The following CTNNA2 variants were observed in gnomAD, a reference collection of about 807,000 sequenced individuals.
CTNNA2 encodes the protein catenin alpha-2.
A neutral mutation model predicts 101.0 loss-of-function variants in CTNNA2; 42 were observed. The observed-to-expected ratio is 0.42, with a 90% CI of 0.32 to 0.54. CTNNA2 has a LOEUF of 0.54. Among genes scored for constraint, CTNNA2 ranks in the 20% least tolerant of loss-of-function variants. CTNNA2 has a pLI of 0.14. For synonymous variants in CTNNA2, 450 were observed against 456.4 expected (o/e 0.99, Z 0.18); for missense variants, 871 against 1,223.1 (o/e 0.71, Z 4.29).
At chr2:80,079,405 C>T (rs759641581) in intron 7 of CTNNA2, among the ~76,000 whole-genome samples, 1 of 152,144 alleles carries the variant, frequency 6.6e-6, no homozygotes, top group Non-Finnish European at 1.5e-5. Flanking sequence ...GAAAAGATTT[C>T]ATAAATACCA....
intron 1 of CTNNA2, among the ~76,000 whole-genome samples, chr2:79,197,458 C>T (rs1299573623): frequency 6.6e-6 from 1 of 152,152 alleles, no homozygotes; most frequent in Admixed American, 6.5e-5. Context: ...CTTCTCTGGG[C>T]CAATTGCTAC....
chr2:80,013,384 G>A (rs931474622), intron 7 of CTNNA2, among the ~76,000 whole-genome samples: 2 of 152,156 alleles, frequency 1.3e-5, no homozygotes, highest in African/African-American at 4.8e-5. Context: ...GGAGAAAAGA[G>A]GAGTTATACT....
intron 7 of CTNNA2, among the ~76,000 whole-genome samples, chr2:80,315,426 A>G (rs11126755): frequency 0.37 from 55,490 of 151,970 alleles, 12,219 homozygotes; most frequent in African/African-American, 0.61. Context: ...GAAAATTAGC[A>G]GAAGACTGGA....
intron 7 of CTNNA2, among the ~76,000 whole-genome samples, chr2:80,172,771 C>G (rs913894457): frequency 1.3e-5 from 2 of 152,152 alleles, no homozygotes; most frequent in South Asian, 2.1e-4. Flanking sequence ...GCAGTCTTTA[C>G]GTCCCTTGGC....
chr2:80,609,068 A>G (rs1698251463), intron 17 of CTNNA2, among the ~76,000 whole-genome samples: 1 of 151,768 alleles, frequency 6.6e-6, no homozygotes, highest in Admixed American at 6.6e-5. Flanking sequence ...CTCTCAACAC[A>G]GGGTGCCATT....
chr2:79,288,462 A>C (rs1675688481), intron 2 of CTNNA2, among the ~76,000 whole-genome samples: 2 of 152,326 alleles, frequency 1.3e-5, no homozygotes, highest in South Asian at 4.1e-4. Context: ...GAATTCAGGT[A>C]ACTGCTGTAG....
chr2:80,385,962 G>A (rs905546947), intron 7 of CTNNA2, among the ~76,000 whole-genome samples: 1 of 152,094 alleles, frequency 6.6e-6, no homozygotes, highest in Non-Finnish European at 1.5e-5. Context: ...TGGGAGTTAC[G>A]AGGGCTGCTA....
At position 79,984,625 on chromosome 2, in the gene CTNNA2, C is replaced by A. The variant is rs148134875; in HGVS notation, c.1056+74828C>A. Among the ~76,000 whole-genome samples, 491 of 152,242 alleles carry A rather than the reference C, an allele frequency of 3.2e-3. 4 individuals are homozygous for A. Among genetic ancestry groups the A allele is most frequent in the African/African-American group, 0.011 (464 of 41,538 alleles). On this transcript the variant is annotated intron_variant, in intron 7 of 18. Coordinates refer to ENST00000402739, the MANE Select transcript of CTNNA2 (RefSeq NM_001282597.3). Reference sequence around the variant, plus strand: ...AATGATGCCTTAGTTTGTAGAACTTCCAAGTGAAGTGTGGCTATGAGTCAG... The same window carrying A: ...AATGATGCCTTAGTTTGTAGAACTTACAAGTGAAGTGTGGCTATGAGTCAG...
intron 1 of CTNNA2, among the ~76,000 whole-genome samples, chr2:79,604,344 A>G (rs896471203): frequency 2.0e-5 from 3 of 152,212 alleles, no homozygotes; most frequent in Non-Finnish European, 4.4e-5. Flanking sequence ...GGCAGTAGCC[A>G]CTAGGCTTCA....
chr2:80,406,514 T>C (rs1679076261), intron 8 of CTNNA2, among the ~76,000 whole-genome samples: 1 of 151,400 alleles, frequency 6.6e-6, no homozygotes, highest in African/African-American at 2.4e-5. Context: ...GCTGTATCTA[T>C]AGATACCAAA....
chr2:79,663,168 C>T (rs2104537739), intron 2 of CTNNA2, among the ~76,000 whole-genome samples: 1 of 152,312 alleles, frequency 6.6e-6, no homozygotes, highest in South Asian at 2.1e-4. Flanking sequence ...CTTTCCAACT[C>T]TGCTGCTAAA....
rs140673142 is a variant in CTNNA2 at position 80,189,768 on chromosome 2, A to C, written c.1057-203443A>C. Among the ~76,000 whole-genome samples the C allele has an allele frequency of 3.6e-3, 550 of 151,928 alleles. 4 individuals are homozygous for C. Among genetic ancestry groups the C allele is most frequent in the African/African-American group, 0.012 (500 of 41,442 alleles). On this transcript the variant is annotated intron_variant, in intron 7 of 18. Coordinates refer to ENST00000402739, the MANE Select transcript of CTNNA2 (RefSeq NM_001282597.3). Reference sequence around the variant, plus strand: ...CCAGTTAAAAAAAAAACAAAACAAAAACACACACACACACAATAAAACAAA... The same window carrying C: ...CCAGTTAAAAAAAAAACAAAACAAACACACACACACACACAATAAAACAAA...
intron 7 of CTNNA2, among the ~76,000 whole-genome samples, chr2:80,116,505 C>T (rs1221795786): frequency 4.6e-5 from 7 of 151,682 alleles, no homozygotes; most frequent in Admixed American, 1.3e-4. Context: ...TATGCATATG[C>T]GTGGGAATTT....
At chr2:80,164,241 C>T (rs1704518099) in intron 7 of CTNNA2, among the ~76,000 whole-genome samples, 2 of 151,576 alleles carry the variant, frequency 1.3e-5, no homozygotes, top group Non-Finnish European at 1.5e-5. Context: ...GTTTTCTTTT[C>T]CTGTCTTCCT....
chr2:79,851,199 C>G (rs1224295288), intron 3 of CTNNA2, among the ~76,000 whole-genome samples: 2 of 152,186 alleles, frequency 1.3e-5, no homozygotes, highest in East Asian at 3.9e-4. Flanking sequence ...GTGGTGTTGT[C>G]CACCTTGGCC....
At chr2:79,401,141 T>C (rs1216649679) in intron 4 of CTNNA2, among the ~76,000 whole-genome samples, 1 of 151,852 alleles carries the variant, frequency 6.6e-6, no homozygotes, top group East Asian at 1.9e-4. Context: ...TGAATCCTTA[T>C]AAAGAAAAAT....
At chr2:79,561,557 A>G (rs1023921401) in intron 1 of CTNNA2, among the ~76,000 whole-genome samples, 5 of 151,982 alleles carry the variant, frequency 3.3e-5, no homozygotes, top group African/African-American at 1.2e-4. Flanking sequence ...CTCCAGCAGT[A>G]TGAAGATTCC....
chr2:79,830,182 G>T (rs540474341), intron 3 of CTNNA2, among the ~76,000 whole-genome samples: 1 of 132,424 alleles, frequency 7.6e-6, no homozygotes, highest in Admixed American at 7.5e-5. Flanking sequence ...ACATAAGGGA[G>T]ATAGAGTATT....
At chr2:79,967,293 A>G (rs142681390) in intron 7 of CTNNA2, among the ~76,000 whole-genome samples, 1 of 152,168 alleles carries the variant, frequency 6.6e-6, no homozygotes, top group East Asian at 1.9e-4. Flanking sequence ...TGCACCGCTG[A>G]TCATCCAGGC....
Sources: allele counts gnomAD v4.1 joint callset (sites outside exome capture counted in the v4.1 genomes callset), GRCh38; gene constraint gnomAD v4.1.1; transcripts MANE v1.5; gene names NCBI Gene and HGNC (gene_info 2026-07-23, HGNC 2026-07-21).